The following ATRNL1 variants were observed in gnomAD, a reference collection of about 807,000 sequenced individuals.
ATRNL1 encodes attractin like 1, also known as attractin-like protein 1.
A neutral mutation model predicts 182.7 loss-of-function variants in ATRNL1; 95 were observed. That is an observed-to-expected ratio of 0.52 (90% CI 0.44 to 0.62). The LOEUF (loss-of-function observed/expected upper bound fraction) is 0.62. ATRNL1 is among the 20% of genes least tolerant of loss of function. The pLI is 0.00. For synonymous variants in ATRNL1, 576 were observed against 568.3 expected (o/e 1.01, Z -0.19); for missense variants, 1,471 against 1,679.5 (o/e 0.88, Z 2.17).
intron 24 of ATRNL1, among the ~76,000 whole-genome samples, chr10:115,510,207 G>C (rs1850321032): frequency 6.6e-6 from 1 of 152,002 alleles, no homozygotes; most frequent in Non-Finnish European, 1.5e-5. Context: ...TGTGAACATT[G>C]TTGAAATGAC....
At chr10:115,237,271 A>G (rs1231137512) in intron 9 of ATRNL1, among the ~76,000 whole-genome samples, 5 of 152,160 alleles carry the variant, frequency 3.3e-5, no homozygotes, top group Admixed American at 6.5e-5. Context: ...ATGGAGTGCA[A>G]TTCCTGGATG....
chr10:115,797,273 GGA>G (rs1949676056), intron 27 of ATRNL1, among the ~76,000 whole-genome samples: 1 of 152,138 alleles, frequency 6.6e-6, no homozygotes, highest in African/African-American at 2.4e-5. Flanking sequence ...TCAAAAAGTA[GGA>G]AAAATAGGCC....
intron 28 of ATRNL1, among the ~76,000 whole-genome samples, chr10:115,917,695 T>C (rs1366886036): frequency 6.6e-6 from 1 of 152,152 alleles, no homozygotes; most frequent in African/African-American, 2.4e-5. Context: ...AAAATTCTTG[T>C]TTACTTTTCT....
chr10:115,444,876 T>A (rs371743275), intron 21 of ATRNL1, among the ~76,000 whole-genome samples: 39 of 151,640 alleles, frequency 2.6e-4, no homozygotes, highest in African/African-American at 8.5e-4. Flanking sequence ...GGATTACAGG[T>A]GTGCGCCACC....
intron 25 of ATRNL1, among the ~76,000 whole-genome samples, chr10:115,522,190 G>A (rs1850973288): frequency 6.6e-6 from 1 of 152,150 alleles, no homozygotes; most frequent in South Asian, 2.1e-4. Context: ...TGCTGAAAAG[G>A]AATACCTAAG....
intron 21 of ATRNL1, among the ~76,000 whole-genome samples, chr10:115,447,821 A>C (rs1847080690): frequency 6.6e-6 from 1 of 151,942 alleles, no homozygotes; most frequent in African/African-American, 2.4e-5. Context: ...GATTTTTCCA[A>C]ATTACACTGC....
At chr10:115,727,557 A>G (rs1405905995) in intron 27 of ATRNL1, among the ~76,000 whole-genome samples, 2 of 152,208 alleles carry the variant, frequency 1.3e-5, no homozygotes, top group Non-Finnish European at 2.9e-5. Context: ...TGGAGAATCT[A>G]TTAGCCTAGG....
intron 28 of ATRNL1, among the ~76,000 whole-genome samples, chr10:115,880,714 T>C (rs1555108369): frequency 6.6e-6 from 1 of 152,192 alleles, no homozygotes; most frequent in East Asian, 1.9e-4. Context: ...TCTAGGCCAA[T>C]TGTGTCCCTG....
chr10:115,135,691 G>A (rs982329065), intron 5 of ATRNL1, among the ~76,000 whole-genome samples: 4 of 152,102 alleles, frequency 2.6e-5, no homozygotes, highest in Non-Finnish European at 4.4e-5. Context: ...CTACTTTAAA[G>A]TTCATATGGA....
intron 9 of ATRNL1, among the ~76,000 whole-genome samples, chr10:115,230,900 AG>A (rs879998799): frequency 2.7e-5 from 4 of 150,182 alleles, no homozygotes; most frequent in African/African-American, 7.4e-5. Context: ...AGAGAGAGAG[AG>A]AGAGAGAGAG....
chr10:115,279,095 G>A (rs761139653), intron 13 of ATRNL1, among the ~76,000 whole-genome samples: 1 of 151,732 alleles, frequency 6.6e-6, no homozygotes, highest in Non-Finnish European at 1.5e-5. Flanking sequence ...CCAGCTACTC[G>A]GGAGGGTGAG....
At chr10:115,886,113 C>T (rs919327922) in intron 28 of ATRNL1, among the ~76,000 whole-genome samples, 5 of 152,020 alleles carry the variant, frequency 3.3e-5, no homozygotes, top group African/African-American at 4.8e-5. Flanking sequence ...TTGGTTCCAC[C>T]GAGTGAAACC....
intron 27 of ATRNL1, among the ~76,000 whole-genome samples, chr10:115,798,406 T>A (rs1949711030): frequency 6.6e-6 from 1 of 152,192 alleles, no homozygotes; most frequent in Non-Finnish European, 1.5e-5. Context: ...CCACTGCCTG[T>A]TGCCCTCAGC....
chr10:115,597,567 G>C, intron 26 of ATRNL1: 1 of 361,336 alleles, frequency 2.8e-6, no homozygotes, highest in South Asian at 1.9e-5. Context: ...ATTTATGGGA[G>C]CTTTTTTTTT....
In ATRNL1 at chr10:115,847,972, C is replaced by T. The variant is rs782641984; in HGVS notation, c.3999C>T (p.Ala1333=). The T allele has an allele frequency of 1.2e-6, 2 of 1,607,440 alleles. No homozygotes were observed. The highest frequency in any genetic ancestry group is 1.3e-5 in the African/African-American group (1 of 74,730). The part of the protein sequence containing the change: ...FLCLPRGSSG[A]PPPGQSGLAI... ...GTCTACCACGAGGATCATCAGGTGC[C>T]CCTCCCCCTGGGCAGTCAGGTATGA... The change falls in exon 28 of 29, where the codon GCC becomes GCT. Residue 1333 remains alanine (A), a synonymous_variant. Transcript: ENST00000355044.
intron 26 of ATRNL1, among the ~76,000 whole-genome samples, chr10:115,677,361 A>G (rs2133942131): frequency 6.6e-6 from 1 of 152,194 alleles, no homozygotes; most frequent in East Asian, 1.9e-4. Flanking sequence ...TTACTGCATG[A>G]GAGCCACCAT....
chr10:115,201,476 A>G (rs1324754837), intron 8 of ATRNL1, among the ~76,000 whole-genome samples: 8 of 152,122 alleles, frequency 5.3e-5, no homozygotes, highest in Admixed American at 5.2e-4. Context: ...AGCACCATTT[A>G]TTAAATAGGG....
At position 115,823,511 on chromosome 10, in the gene ATRNL1, T is replaced by C. The variant is rs560325157; in HGVS notation, c.3904-24366T>C. Among the ~76,000 whole-genome samples, 8 of 152,214 alleles carry C rather than the reference T, an allele frequency of 5.3e-5. No individual in the cohort carries two copies. In the East Asian group the frequency reaches 1.5e-3, roughly 29 times the overall value. On this transcript the variant is annotated intron_variant, in intron 27 of 28. Transcript: ENST00000355044. ...TTGTCTGCGTTTGCAGATGACATGA[T>C]TGTATATTTAGAAAACCCCATTGTC...
At chr10:115,772,111 G>A (rs1200948965) in intron 27 of ATRNL1, among the ~76,000 whole-genome samples, 2 of 152,188 alleles carry the variant, frequency 1.3e-5, no homozygotes, top group African/African-American at 4.8e-5. Flanking sequence ...TAGAGATGAA[G>A]TGCCACACTA....
Sources: allele counts gnomAD v4.1 joint callset (sites outside exome capture counted in the v4.1 genomes callset), GRCh38; gene constraint gnomAD v4.1.1; transcripts MANE v1.5; gene names NCBI Gene and HGNC (gene_info 2026-07-23, HGNC 2026-07-21).